Variants in LPA observed in about 807,000 individuals in gnomAD.
The protein encoded by LPA is lipoprotein(a).
In LPA, 199 loss-of-function variants were observed where a neutral mutation model predicts 197.9. The observed-to-expected ratio is 1.01, with a 90% CI of 0.90 to 1.13. The LOEUF (loss-of-function observed/expected upper bound fraction) is 1.13. LPA is among the 50% of genes most tolerant of loss of function. LPA has a pLI of 0.00. For synonymous variants in LPA, 715 were observed against 639.5 expected (o/e 1.12, Z -1.78); for missense variants, 1,853 against 1,785.8 (o/e 1.04, Z -0.68).
At chr6:160,555,992 T>C (rs751098304) in intron 30 of LPA, 33 bp downstream of exon 30, 2 of 1,514,844 alleles carry the variant, frequency 1.3e-6, no homozygotes, top group Non-Finnish European at 1.8e-6. Flanking sequence ...AAGTTGGCTG[T>C]TGCTCCTCTT....
intron 7 of LPA, among the ~76,000 whole-genome samples, chr6:160,634,232 C>G (rs1219369195): frequency 1.9e-5 from 2 of 104,812 alleles, no homozygotes; most frequent in East Asian, 2.2e-4. Flanking sequence ...AATGTTCATA[C>G]AAAGGGCACT....
At position 160,577,204 on chromosome 6, in the gene LPA, C is replaced by T; in HGVS notation, c.4563G>A (p.Arg1521=). 1.2e-6 allele frequency: 2 copies of T among 1,613,854 alleles called. No homozygotes were observed. The highest frequency in any genetic ancestry group is 8.5e-7 in the Non-Finnish European group (1 of 1,179,826). Residue 1521 remains arginine (R), a synonymous_variant, in exon 28 of 39, where the codon AGG becomes AGA. Transcript: ENST00000316300. The part of the protein sequence containing the change: ...RGISSTTVTG[R]TCQSWSSMIP... ...TCATAGATGACCAAGATTGACAGGT[C>T]CTTCCTGTGACAGTGGTGGAGGATA...
At chr6:160,535,534 T>C in intron 37 of LPA, among the ~76,000 whole-genome samples, 3 of 152,264 alleles carry the variant, frequency 2.0e-5, no homozygotes, top group African/African-American at 7.2e-5. Flanking sequence ...ATGGTGGTGA[T>C]GGTGATGGTG....
intron 17 of LPA, 138 bp downstream of exon 17, chr6:160,606,339 A>G: frequency 3.8e-6 from 5 of 1,303,200 alleles, no homozygotes; most frequent in Non-Finnish European, 5.4e-6. Context: ...GAGTGCACGG[A>G]GGCTTCCTCC....
chr6:160,573,120 T>A (rs1299388416), intron 28 of LPA, among the ~76,000 whole-genome samples: 1 of 152,122 alleles, frequency 6.6e-6, no homozygotes, highest in Non-Finnish European at 1.5e-5. Flanking sequence ...GAAGGCTTTG[T>A]TCATATTTTC....
In LPA at chr6:160,548,559, G is replaced by C. The variant is rs757921434; in HGVS notation, c.5074C>G (p.Arg1692Gly). The C allele has an allele frequency of 7.4e-6, 12 of 1,613,924 alleles. No individual in the cohort carries two copies. Among genetic ancestry groups the C allele is most frequent in the Middle Eastern group, 3.3e-4 (2 of 6,072 alleles). ...ACAGTCCCTTCTGTGTCTGAGCATCGCGTCAGGTTGCAGTACTCCCACCTG... is the reference window on the plus strand; with the variant it reads ...ACAGTCCCTTCTGTGTCTGAGCATCCCGTCAGGTTGCAGTACTCCCACCTG... ...SIRWEYCNLT[R>G]CSDTEGTVVA... The change falls in exon 31 of 39, where the codon CGA becomes GGA. Residue 1692 changes from arginine (R) to glycine (G), a missense_variant. Physicochemically the swap from Arg to Gly is moderately radical, Grantham distance 125. Around this residue, in one of 3 missense-constraint regions of LPA, gnomAD observed 1,737 missense variants for 1,504.4 expected, o/e 1.15. Transcript: ENST00000316300.
chr6:160,534,235 C>T (rs531728401), intron 37 of LPA, among the ~76,000 whole-genome samples: 1 of 152,352 alleles, frequency 6.6e-6, no homozygotes, highest in South Asian at 2.1e-4. Flanking sequence ...TAAAGGGGCA[C>T]CCTTCTCAAA....
chr6:160,573,895 T>C (rs530908598), intron 28 of LPA, among the ~76,000 whole-genome samples: 2 of 152,262 alleles, frequency 1.3e-5, no homozygotes, highest in South Asian at 4.1e-4. Context: ...TTTGTGCTGG[T>C]TGGCCTCCTG....
At position 160,593,947 on chromosome 6, in the gene LPA, C is replaced by T. The variant is rs1311787553; in HGVS notation, c.3629+11G>A. 3 of 1,613,206 alleles carry T rather than the reference C, an allele frequency of 1.9e-6. No homozygotes were observed. In the African/African-American group the frequency reaches 4.0e-5, roughly 22 times the overall value. Reference sequence around the variant, plus strand: ...CTGCTGTCTGTCTTTGAAGAAAACTCAAGGTTGTACCCATTTGGATAATAT... The same window carrying T: ...CTGCTGTCTGTCTTTGAAGAAAACTTAAGGTTGTACCCATTTGGATAATAT... On this transcript the variant is annotated intron_variant, in intron 22 of 38. Coordinates refer to ENST00000316300, the MANE Select transcript of LPA (RefSeq NM_005577.4).
intron 17 of LPA, 99 bp downstream of exon 17, chr6:160,606,378 G>T: frequency 6.6e-7 from 1 of 1,506,678 alleles, no homozygotes. Flanking sequence ...CAACACTCGA[G>T]CATCCGTTTA....
At chr6:160,632,111 T>G (rs1169490816) in intron 8 of LPA, among the ~76,000 whole-genome samples, 1 of 131,194 alleles carries the variant, frequency 7.6e-6, no homozygotes, top group African/African-American at 3.2e-5. Flanking sequence ...ATACAGTAAT[T>G]TTTTTCAATT....
intron 24 of LPA, among the ~76,000 whole-genome samples, chr6:160,587,007 T>G (rs1383373953): frequency 6.6e-6 from 1 of 152,228 alleles, no homozygotes; most frequent in Non-Finnish European, 1.5e-5. Flanking sequence ...TGTTTATCTG[T>G]CAGGCTGTCT....
intron 1 of LPA, among the ~76,000 whole-genome samples, chr6:160,654,933 C>A (rs1353615760): frequency 1.3e-5 from 2 of 152,162 alleles, no homozygotes; most frequent in African/African-American, 4.8e-5. Context: ...TCATAGGGAA[C>A]TCCCCATGAG....
rs1554239882 is a variant in LPA, at chr6:160,611,588, A to G, written c.2577T>C (p.Ser859=). ...CATTTGGGTAGTATTCTGGGGTCCG[A>G]CTATGCGAGTGTGGTGTCATAGATG... ...AWSSMTPHSH[S]RTPEYYPNAG... is the part of the protein sequence containing the mutation. Residue 859 remains serine, a synonymous_variant, in exon 16 of 39, where the codon AGT becomes AGC. Transcript: ENST00000316300. The G allele has an allele frequency of 2.5e-6, 4 of 1,604,466 alleles. No homozygotes were observed. The East Asian group carries it at 8.9e-5, about 36-fold the overall frequency.
chr6:160,615,349 A>AATTTCTGTGT (rs1562346197), intron 14 of LPA, among the ~76,000 whole-genome samples: 1 of 141,470 alleles, frequency 7.1e-6, no homozygotes, highest in African/African-American at 2.8e-5. Flanking sequence ...GTGTGTTTTC[A>AATTTCTGTGT]GTTTGTGTGT....
At chr6:160,583,086 C>G (rs1778830966) in intron 26 of LPA, among the ~76,000 whole-genome samples, 1 of 151,800 alleles carries the variant, frequency 6.6e-6, no homozygotes, top group Admixed American at 6.6e-5. Context: ...TATTTCTTGT[C>G]CACGCTTTCT....
intron 1 of LPA, among the ~76,000 whole-genome samples, chr6:160,662,686 C>T (rs1379390558): frequency 6.6e-6 from 1 of 152,106 alleles, no homozygotes; most frequent in Admixed American, 6.6e-5. Flanking sequence ...CCAATTTCCC[C>T]AAAAAACTCT....
At chr6:160,558,845 A>T (rs1778313707) in intron 28 of LPA, among the ~76,000 whole-genome samples, 1 of 152,128 alleles carries the variant, frequency 6.6e-6, no homozygotes, top group African/African-American at 2.4e-5. Flanking sequence ...CAGATTACTA[A>T]CCTGCAGCTC....
chr6:160,584,170 T>TTTCTTCTTCTTCTTCTTCTTCTTC, intron 26 of LPA, among the ~76,000 whole-genome samples: 1 of 103,240 alleles, frequency 9.7e-6, no homozygotes, highest in African/African-American at 3.7e-5. Flanking sequence ...TCATTTCTAT[T>TTTCTTCTTCTTCTTCTTCTTCTTC]TTCTTCTTCT....
Sources: allele counts gnomAD v4.1 joint callset (sites outside exome capture counted in the v4.1 genomes callset), GRCh38; gene constraint gnomAD v4.1.1; regional missense constraint gnomAD v4.1.1; transcripts MANE v1.5; gene names NCBI Gene and HGNC (gene_info 2026-07-23, HGNC 2026-07-21).